C8orf34: variants seen among roughly 807,000 people sequenced by gnomAD.
C8orf34 encodes the protein chromosome 8 open reading frame 34, also known as uncharacterized protein C8orf34.
A neutral mutation model predicts 68.3 loss-of-function variants in C8orf34; 65 were observed. The observed-to-expected ratio is 0.95, with a 90% CI of 0.78 to 1.17. C8orf34 has a LOEUF of 1.17. Among genes scored for constraint, C8orf34 ranks in the 50% most tolerant of loss-of-function variants. C8orf34 has a pLI of 0.00. For missense variants in C8orf34, 664 were observed against 655.4 expected (o/e 1.01, Z -0.14); for synonymous variants, 244 against 241.2 (o/e 1.01, Z -0.11).
chr8:68,728,476 C>T (rs1821894400), intron 10 of C8orf34, among the ~76,000 whole-genome samples: 1 of 152,164 alleles, frequency 6.6e-6, no homozygotes, highest in Non-Finnish European at 1.5e-5. Flanking sequence ...TCAGCAATGC[C>T]CCACTCTACT....
At chr8:68,739,876 A>G (rs1822231509) in intron 10 of C8orf34, among the ~76,000 whole-genome samples, 1 of 152,224 alleles carries the variant, frequency 6.6e-6, no homozygotes, top group Non-Finnish European at 1.5e-5. Context: ...ATAGGGCTAC[A>G]GTAACCAAAA....
At chr8:68,776,282 A>C (rs1347664541) in intron 10 of C8orf34, 117 bp from the exon 11 acceptor site, 5 of 732,160 alleles carry the variant, frequency 6.8e-6, no homozygotes, top group Non-Finnish European at 7.0e-6. Context: ...ATCAACTGAA[A>C]AGGTGGGAGA....
chr8:68,394,853 A>C (rs1454479456), intron 1 of C8orf34, among the ~76,000 whole-genome samples: 1 of 152,094 alleles, frequency 6.6e-6, no homozygotes, highest in East Asian at 1.9e-4. Context: ...TGTAGAAAAT[A>C]CTAAGGAATA....
At chr8:68,786,677 A>G (rs1823855152) in intron 11 of C8orf34, among the ~76,000 whole-genome samples, 1 of 152,184 alleles carries the variant, frequency 6.6e-6, no homozygotes, top group African/African-American at 2.4e-5. Context: ...AGAGAATAGT[A>G]TGATAGAACA....
chr8:68,436,681 T>G (rs752491771), intron 1 of C8orf34, among the ~76,000 whole-genome samples: 38 of 152,174 alleles, frequency 2.5e-4, no homozygotes, highest in Non-Finnish European at 4.6e-4. Flanking sequence ...CTTATGTACC[T>G]GAAACTGACT....
chr8:68,577,440 T>G (rs902993649), intron 7 of C8orf34, among the ~76,000 whole-genome samples: 2 of 151,596 alleles, frequency 1.3e-5, no homozygotes, highest in African/African-American at 4.8e-5. Context: ...ACTTTTACCA[T>G]TTTTTAATTG....
At chr8:68,789,749 G>A (rs1454001804) in intron 12 of C8orf34, among the ~76,000 whole-genome samples, 1 of 151,804 alleles carries the variant, frequency 6.6e-6, no homozygotes, top group Non-Finnish European at 1.5e-5. Flanking sequence ...TTGTTTATCA[G>A]GACAGCTAGA....
chr8:68,448,830 C>T lies in C8orf34; in HGVS notation c.607+2370C>T, dbSNP rs139218434. ...TGCAGATACAAACAGTTTGAAACTC[C>T]AACAAAAAGAAGCCTATATGGCTAA... On this transcript the variant is annotated intron_variant, in intron 3 of 13. Coordinates refer to ENST00000518698, the MANE Select transcript of C8orf34 (RefSeq NM_052958.4). 2.2e-3 allele frequency among the ~76,000 whole-genome samples: 328 copies of T among 151,756 alleles called. 1 individual carries two copies. The highest frequency in any genetic ancestry group is 7.1e-3 in the African/African-American group (295 of 41,448).
intron 7 of C8orf34, among the ~76,000 whole-genome samples, chr8:68,567,267 T>C (rs1228347398): frequency 1.3e-5 from 2 of 152,154 alleles, no homozygotes; most frequent in Non-Finnish European, 2.9e-5. Flanking sequence ...TGGACTTTTT[T>C]TTGTTGGTAA....
intron 7 of C8orf34, chr8:68,534,821 GC>G (rs1304862552): frequency 2.0e-6 from 2 of 985,240 alleles, no homozygotes; most frequent in African/African-American, 3.5e-5. Flanking sequence ...GATCTCAGCT[GC>G]CCTGACTGAA....
intron 7 of C8orf34, among the ~76,000 whole-genome samples, chr8:68,602,276 C>T (rs1275749360): frequency 6.6e-6 from 1 of 152,120 alleles, no homozygotes; most frequent in Admixed American, 6.6e-5. Context: ...CCCCTGCTGA[C>T]ACCATTGTTG....
intron 4 of C8orf34, 137 bp downstream of exon 4, chr8:68,468,957 G>A (rs1161180893): frequency 1.1e-6 from 1 of 903,420 alleles, no homozygotes; most frequent in Non-Finnish European, 1.6e-6. Flanking sequence ...AAGGGCATGA[G>A]ATTGGAAAGG....
intron 11 of C8orf34, among the ~76,000 whole-genome samples, chr8:68,779,840 A>G (rs1823624926): frequency 6.6e-6 from 1 of 150,672 alleles, no homozygotes; most frequent in African/African-American, 2.4e-5. Flanking sequence ...AAACTAGGAA[A>G]TGAAGATCTT....
chr8:68,603,541 C>A (rs1488206927), intron 7 of C8orf34, among the ~76,000 whole-genome samples: 931 of 87,488 alleles, frequency 0.011, 20 homozygotes, highest in African/African-American at 0.082. Flanking sequence ...ATCTATCTAT[C>A]TATCTATCTA....
intron 1 of C8orf34, among the ~76,000 whole-genome samples, chr8:68,340,541 A>T (rs1234269973): frequency 2.6e-5 from 4 of 152,180 alleles, no homozygotes. Context: ...TAATAAGGAA[A>T]TACTAGGGAT....
At chr8:68,771,350 G>A (rs944061327) in intron 10 of C8orf34, among the ~76,000 whole-genome samples, 3 of 152,136 alleles carry the variant, frequency 2.0e-5, no homozygotes, top group Non-Finnish European at 4.4e-5. Flanking sequence ...TCATAAATGT[G>A]GTAACTCTGT....
chr8:68,492,128 A>C (rs951721684), intron 5 of C8orf34, among the ~76,000 whole-genome samples: 1 of 152,242 alleles, frequency 6.6e-6, no homozygotes, highest in African/African-American at 2.4e-5. Flanking sequence ...ACATGCCACA[A>C]GAAGATTCTT....
intron 10 of C8orf34, among the ~76,000 whole-genome samples, chr8:68,746,924 A>G (rs967955732): frequency 1.6e-4 from 24 of 151,970 alleles, no homozygotes; most frequent in Non-Finnish European, 3.2e-4. Context: ...GGACAGAGAC[A>G]CAACCAAAAA....
chr8:68,395,045 A>G (rs1422111807), intron 1 of C8orf34, among the ~76,000 whole-genome samples: 1 of 152,092 alleles, frequency 6.6e-6, no homozygotes, highest in Non-Finnish European at 1.5e-5. Flanking sequence ...TTAGCAAGAA[A>G]TTTATCAGTA....
Sources: gnomAD v4.1 joint callset for allele counts (sites outside exome capture counted in the v4.1 genomes callset) on GRCh38, gnomAD v4.1.1 for gene constraint, MANE v1.5 for transcripts, NCBI Gene and HGNC (gene_info 2026-07-23, HGNC 2026-07-21) for gene names.